The following LRIF1 variants were observed in gnomAD, a reference collection of about 807,000 sequenced individuals.
The protein encoded by LRIF1 is ligand-dependent nuclear receptor-interacting factor 1.
A neutral mutation model predicts 52.7 loss-of-function variants in LRIF1; 32 were observed. That is an observed-to-expected ratio of 0.61 (90% CI 0.46 to 0.82). LRIF1 has a LOEUF of 0.82. Among genes scored for constraint, LRIF1 ranks in the 40% least tolerant of loss-of-function variants. The pLI is 0.00. For missense variants in LRIF1, 887 were observed against 892.0 expected (o/e 0.99, Z 0.07); for synonymous variants, 323 against 317.4 (o/e 1.02, Z -0.19).
chr1:110,940,025 A>G, the LRIF1 span: 32 of 152,346 alleles, frequency 2.1e-4, no homozygotes, highest in African/African-American at 7.7e-4. Context: ...CAGCAAAGGA[A>G]ACAATCAACA....
At chr1:110,911,560 C>G in the LRIF1 span, among the ~76,000 whole-genome samples, 1 of 152,054 alleles carries the variant, frequency 6.6e-6, no homozygotes, top group African/African-American at 2.4e-5. Context: ...AAAAAGAAAA[C>G]TTAAGGCCAA....
chr1:110,894,989 C>T, the LRIF1 span: 38 of 1,613,794 alleles, frequency 2.4e-5, no homozygotes, highest in Middle Eastern at 1.6e-4. Context: ...AGGGTCTGAC[C>T]GACAGCATCC....
the LRIF1 span, among the ~76,000 whole-genome samples, chr1:110,912,340 T>G: frequency 6.6e-6 from 1 of 152,104 alleles, no homozygotes; most frequent in East Asian, 1.9e-4. Context: ...GCCTCCCAAG[T>G]AGTTGGGATT....
intron 1 of LRIF1, among the ~76,000 whole-genome samples, chr1:110,960,813 G>A (rs1658918927): frequency 6.6e-6 from 1 of 152,056 alleles, no homozygotes. Context: ...AGCTAGTTCA[G>A]GCCCTCAGAA....
At chr1:110,881,677 C>T in the LRIF1 span, among the ~76,000 whole-genome samples, 24 of 152,258 alleles carry the variant, frequency 1.6e-4, no homozygotes, top group Admixed American at 1.0e-3. Context: ...TTGTACAAAA[C>T]GAGCAAACTG....
the LRIF1 span, among the ~76,000 whole-genome samples, chr1:110,934,794 G>A: frequency 6.6e-6 from 1 of 152,204 alleles, no homozygotes; most frequent in South Asian, 2.1e-4. Context: ...AAGGAGGCGG[G>A]CCTGGCTGGC....
chr1:110,917,949 C>A, the LRIF1 span, among the ~76,000 whole-genome samples: 2 of 98,840 alleles, frequency 2.0e-5, 1 homozygote, highest in African/African-American at 9.1e-5. Context: ...AAATTAAAAA[C>A]ATTAGTTTTA....
At chr1:110,885,503 A>G in the LRIF1 span, among the ~76,000 whole-genome samples, 1 of 151,952 alleles carries the variant, frequency 6.6e-6, no homozygotes, top group Non-Finnish European at 1.5e-5. Flanking sequence ...GCGCCACTGC[A>G]CTCCAGCCTG....
downstream of LRIF1, chr1:110,942,311 T>A (rs187451368): frequency 2.0e-5 from 3 of 152,248 alleles, no homozygotes; most frequent in East Asian, 5.8e-4. Flanking sequence ...TCTGAGTGGT[T>A]TTAATTTGCA....
At position 110,947,988 on chromosome 1, in the gene LRIF1, C is replaced by T. The variant is rs745508016; in HGVS notation, c.2281G>A (p.Glu761Lys). 1.1e-5 allele frequency: 18 copies of T among 1,588,138 alleles called. No homozygotes were observed. The highest frequency in any genetic ancestry group is 1.5e-5 in the Non-Finnish European group (18 of 1,170,084). Residue 761 changes from glutamate to lysine, a missense_variant, in exon 4 of 4, where the codon GAA becomes AAA. By Grantham distance (56) the Glu-to-Lys change is moderately conservative (BLOSUM62 1). Coordinates refer to ENST00000369763, the MANE Select transcript of LRIF1 (RefSeq NM_018372.4). ...VLREKEAALEEMRKKMHQK is the reference protein window; with the variant it reads ...VLREKEAALEKMRKKMHQK ...TTTTGGTGCATCTTCTTACGCATTTCTTCAAGAGCTGCTTCTTTCTCTCTC... is the reference window on the plus strand; with the variant it reads ...TTTTGGTGCATCTTCTTACGCATTTTTTCAAGAGCTGCTTCTTTCTCTCTC...
the LRIF1 span, among the ~76,000 whole-genome samples, chr1:110,924,773 C>G: frequency 1.3e-5 from 2 of 152,084 alleles, no homozygotes; most frequent in Non-Finnish European, 2.9e-5. Flanking sequence ...AAAATTATAG[C>G]CATTCTCACT....
rs553871102 is a variant in LRIF1 at position 110,950,841 on chromosome 1, CA to C, written c.1596+446del. ...CCATGGTATACCACCACCACCACCA[CA>C]AAAAAACCCCACAAAACCCCAAAAC... On this transcript the variant is annotated intron_variant, in intron 2 of 3. Transcript: ENST00000369763. 2.6e-5 allele frequency among the ~76,000 whole-genome samples: 4 copies of C among 151,898 alleles called. No homozygotes were observed. The East Asian group carries it at 7.7e-4, about 29-fold the overall frequency.
the LRIF1 span, chr1:110,897,988 A>C: frequency 1.6e-6 from 1 of 606,570 alleles, no homozygotes; most frequent in Non-Finnish European, 2.9e-6. Flanking sequence ...TACACAATAA[A>C]TGTTAGCTAT....
the LRIF1 span, chr1:110,936,532 G>T: frequency 6.6e-6 from 1 of 152,010 alleles, no homozygotes; most frequent in Non-Finnish European, 1.5e-5. Context: ...TTATCGGATT[G>T]AAATAATGGT....
At chr1:110,950,212 T>G (rs549951166) in intron 2 of LRIF1, 89 bp from the exon 3 acceptor site, 1 of 1,404,324 alleles carries the variant, frequency 7.1e-7, no homozygotes, top group East Asian at 2.3e-5. Context: ...TCATCTTACA[T>G]AAAAGAACAT....
rs759763152 is a variant in LRIF1 at position 110,948,094 on chromosome 1, G to A, written c.2175C>T (p.Thr725=). The A allele has an allele frequency of 1.2e-5, 19 of 1,613,736 alleles. No individual in the cohort carries two copies. Among genetic ancestry groups the A allele is most frequent in the East Asian group, 4.5e-5 (2 of 44,858 alleles). The change falls in exon 4 of 4, where the codon ACC becomes ACT. Residue 725 remains threonine, a synonymous_variant. Coordinates refer to ENST00000369763, the MANE Select transcript of LRIF1 (RefSeq NM_018372.4). ...GTGGTGTCACTGGGAAAATATCTTC[G>A]GTATAATTTTTATTGAAGAAATGAC... ...EQSHFFNKNY[T]EDIFPVTPPE... is the part of the protein sequence containing the mutation.
the LRIF1 span, among the ~76,000 whole-genome samples, chr1:110,903,256 T>A: frequency 1.3e-5 from 2 of 152,164 alleles, no homozygotes; most frequent in Non-Finnish European, 1.5e-5. Flanking sequence ...GACAGTGGAC[T>A]GGGAGGGGCA....
chr1:110,882,323 A>G, the LRIF1 span, among the ~76,000 whole-genome samples: 5 of 152,260 alleles, frequency 3.3e-5, no homozygotes, highest in African/African-American at 1.2e-4. Flanking sequence ...CAATTGTTCC[A>G]GCACCATTTG....
At position 110,961,149 on chromosome 1, in the gene LRIF1, C is replaced by G. The variant is rs560403973; in HGVS notation, c.68+2472G>C. Reference sequence around the variant, plus strand: ...ACTTATGTTTCCCAACTCAGCTGTTCTTGGAATCTTTCTTCCAACTCCCTT... The same window carrying G: ...ACTTATGTTTCCCAACTCAGCTGTTGTTGGAATCTTTCTTCCAACTCCCTT... On this transcript the variant is annotated intron_variant, in intron 1 of 3. Transcript: ENST00000369763. 2.6e-5 allele frequency among the ~76,000 whole-genome samples: 4 copies of G among 152,278 alleles called. No homozygotes were observed. The South Asian group carries it at 8.3e-4, about 32-fold the overall frequency.
Sources: gnomAD v4.1 joint callset for allele counts (sites outside exome capture counted in the v4.1 genomes callset) on GRCh38, gnomAD v4.1.1 for gene constraint, MANE v1.5 for transcripts, NCBI Gene and HGNC (gene_info 2026-07-23, HGNC 2026-07-21) for gene names.